BMAL1: variants seen among roughly 807,000 people sequenced by gnomAD.
The protein encoded by BMAL1 is basic helix-loop-helix ARNT-like protein 1.
chr11:13,380,052 T>C, the BMAL1 span: 5 of 152,174 alleles, frequency 3.3e-5, no homozygotes, highest in Non-Finnish European at 7.4e-5. Flanking sequence ...GAGAAATCAA[T>C]CATCTAAGGT....
chr11:13,348,986 T>C, the BMAL1 span, among the ~76,000 whole-genome samples: 4 of 152,142 alleles, frequency 2.6e-5, no homozygotes, highest in Non-Finnish European at 5.9e-5. Flanking sequence ...CTCAAGGCAG[T>C]GCAGGGATGG....
At chr11:13,325,971 G>A in the BMAL1 span, among the ~76,000 whole-genome samples, 1 of 152,072 alleles carries the variant, frequency 6.6e-6, no homozygotes, top group Non-Finnish European at 1.5e-5. Context: ...GTGGGAGGCT[G>A]AGGTGGGTGG....
the BMAL1 span, chr11:13,360,264 C>A: frequency 7.8e-7 from 1 of 1,280,524 alleles, no homozygotes; most frequent in Non-Finnish European, 1.1e-6. Flanking sequence ...AGGCCACTTA[C>A]AGAAGGTTTG....
the BMAL1 span, among the ~76,000 whole-genome samples, chr11:13,365,174 C>T: frequency 6.6e-6 from 1 of 152,062 alleles, no homozygotes; most frequent in Non-Finnish European, 1.5e-5. Context: ...AAATATGATT[C>T]TCTGGACCAT....
At chr11:13,351,762 G>T in the BMAL1 span, among the ~76,000 whole-genome samples, 4 of 152,192 alleles carry the variant, frequency 2.6e-5, no homozygotes, top group South Asian at 8.3e-4. Flanking sequence ...ATGTGCTGAT[G>T]GGCAAGGAGA....
chr11:13,328,663 G>A, the BMAL1 span, among the ~76,000 whole-genome samples: 1 of 152,194 alleles, frequency 6.6e-6, no homozygotes, highest in Non-Finnish European at 1.5e-5. Flanking sequence ...CTTGGATTTT[G>A]GGTGCCAGAA....
chr11:13,376,278 T>C, the BMAL1 span, among the ~76,000 whole-genome samples: 1 of 152,176 alleles, frequency 6.6e-6, no homozygotes, highest in Non-Finnish European at 1.5e-5. Context: ...TCCCCACTTT[T>C]CCTTCCCCAT....
At chr11:13,329,175 G>C in the BMAL1 span, among the ~76,000 whole-genome samples, 1 of 152,088 alleles carries the variant, frequency 6.6e-6, no homozygotes, top group Non-Finnish European at 1.5e-5. Context: ...TAGAACCCAG[G>C]GGTAGCATGA....
At chr11:13,385,473 CTG>C in the BMAL1 span, among the ~76,000 whole-genome samples, 1 of 152,174 alleles carries the variant, frequency 6.6e-6, no homozygotes, top group Non-Finnish European at 1.5e-5. Context: ...TAAGTTGCCT[CTG>C]TGGGCTCACT....
the BMAL1 span, chr11:13,375,818 T>C: frequency 6.7e-7 from 1 of 1,483,056 alleles, no homozygotes; most frequent in Admixed American, 2.5e-5. Context: ...TGCCTAGGGT[T>C]CCTCATCTGG....
At chr11:13,349,592 A>G in the BMAL1 span, among the ~76,000 whole-genome samples, 6 of 152,360 alleles carry the variant, frequency 3.9e-5, no homozygotes, top group Non-Finnish European at 5.9e-5. Context: ...AGTTTTCACA[A>G]TTATGATTAC....
the BMAL1 span, among the ~76,000 whole-genome samples, chr11:13,285,588 G>T: frequency 1.3e-5 from 2 of 152,322 alleles, no homozygotes; most frequent in Non-Finnish European, 2.9e-5. Context: ...ATCCCAGGAA[G>T]AGAGAACAGC....
At chr11:13,329,094 C>T in the BMAL1 span, among the ~76,000 whole-genome samples, 9,255 of 152,140 alleles carry the variant, frequency 0.061, 937 homozygotes, top group African/African-American at 0.21. Flanking sequence ...AGAGGGTCTC[C>T]GCTCTCATGG....
chr11:13,375,289 A>G, the BMAL1 span, among the ~76,000 whole-genome samples: 2 of 152,326 alleles, frequency 1.3e-5, no homozygotes, highest in South Asian at 2.1e-4. Context: ...AAAGCATGAC[A>G]TTTTGGACAG....
At chr11:13,369,977 G>C in the BMAL1 span, among the ~76,000 whole-genome samples, 797 of 152,288 alleles carry the variant, frequency 5.2e-3, 6 homozygotes, top group African/African-American at 0.019. Context: ...GATTTGTGGA[G>C]AGGCCTCCTC....
At chr11:13,368,639 G>C in the BMAL1 span, among the ~76,000 whole-genome samples, 133 of 152,280 alleles carry the variant, frequency 8.7e-4, no homozygotes, top group African/African-American at 3.0e-3. Context: ...ATGGCCATGG[G>C]TGTGTTTTCC....
chr11:13,292,547 A>C, the BMAL1 span, among the ~76,000 whole-genome samples: 5 of 13,618 alleles, frequency 3.7e-4, no homozygotes, highest in African/African-American at 5.3e-4. Flanking sequence ...ACTCCATCTC[A>C]AAAAAAAAAA....
At chr11:13,344,099 C>G in the BMAL1 span, among the ~76,000 whole-genome samples, 1 of 152,166 alleles carries the variant, frequency 6.6e-6, no homozygotes, top group African/African-American at 2.4e-5. Context: ...GTCCTCTGCT[C>G]AGGGCATTCT....
chr11:13,306,077 G>C, the BMAL1 span, among the ~76,000 whole-genome samples: 1 of 152,098 alleles, frequency 6.6e-6, no homozygotes, highest in Non-Finnish European at 1.5e-5. Context: ...ATGCCCAGGG[G>C]TTTTCATTGT....
Sources: allele counts gnomAD v4.1 joint callset (sites outside exome capture counted in the v4.1 genomes callset), GRCh38; gene constraint gnomAD v4.1.1; transcripts MANE v1.5; gene names NCBI Gene and HGNC (gene_info 2026-07-23, HGNC 2026-07-21).